The following NUP88 variants were observed in gnomAD, a reference collection of about 807,000 sequenced individuals.
NUP88 encodes the protein nuclear pore complex protein Nup88.
NUP88 carries 57 observed loss-of-function variants against 93.9 expected under a neutral mutation model. That is an observed-to-expected ratio of 0.61 (90% CI 0.49 to 0.76). NUP88 has a LOEUF of 0.76. Ranked by LOEUF, NUP88 falls within the 30% of genes least tolerant of loss-of-function variation. NUP88 has a pLI of 0.00. For synonymous variants in NUP88, 346 were observed against 336.8 expected (o/e 1.03, Z -0.30); for missense variants, 911 against 901.0 (o/e 1.01, Z -0.14).
At chr17:5,416,478 TAATA>T in intron 2 of NUP88, 31 bp downstream of exon 2, 2 of 1,439,130 alleles carry the variant, frequency 1.4e-6, no homozygotes, top group African/African-American at 1.4e-5. Flanking sequence ...TCTGTATATA[TAATA>T]AATTATACAG....
intron 11 of NUP88, 162 bp from the exon 12 acceptor site, chr17:5,388,066 T>C: frequency 5.0e-6 from 3 of 603,360 alleles, no homozygotes; most frequent in South Asian, 5.4e-5. Context: ...ATTGGTGCTA[T>C]CTCGGCTCAC....
chr17:5,396,886 ATGT>A (rs1406744029), intron 8 of NUP88, among the ~76,000 whole-genome samples: 5 of 152,154 alleles, frequency 3.3e-5, no homozygotes, highest in Admixed American at 6.5e-5. Context: ...ATGACTAATA[ATGT>A]TGTACATCTT....
chr17:5,393,965 G>T (rs1912609986), intron 9 of NUP88, among the ~76,000 whole-genome samples: 2 of 152,162 alleles, frequency 1.3e-5, no homozygotes. Flanking sequence ...GGTTTCTACT[G>T]GGGATAACTG....
At chr17:5,399,988 A>G (rs527437200) in intron 7 of NUP88, among the ~76,000 whole-genome samples, 6 of 152,118 alleles carry the variant, frequency 3.9e-5, no homozygotes, top group Non-Finnish European at 7.4e-5. Context: ...TGTTTATACT[A>G]GTAGGTACGC....
chr17:5,387,998 A>G, intron 11 of NUP88, 94 bp from the exon 12 acceptor site: 2 of 1,271,590 alleles, frequency 1.6e-6, no homozygotes. Context: ...TAAACTTTTT[A>G]TATTTTTAAT....
At position 5,386,240 on chromosome 17, in the gene NUP88, T is replaced by C. The variant is rs547551060; in HGVS notation, c.2192A>G (p.Gln731Arg). ...TACATGATTGCGGATATCATTGATT[T>C]GCTTCACCATTTCCCTTATATGTTC... ...EGEHIREMVK[Q>R]INDIRNHVNF The change falls in exon 17 of 17, where the codon CAA becomes CGA. Residue 731 changes from glutamine (Q) to arginine (R), a missense_variant. Physicochemically the swap from Gln to Arg is conservative, Grantham distance 43 (BLOSUM62 1). Transcript: ENST00000573584. 1.5e-4 allele frequency: 250 copies of C among 1,613,454 alleles called. 3 individuals carry two copies. The South Asian group carries it at 2.6e-3, about 17-fold the overall frequency.
intron 2 of NUP88, among the ~76,000 whole-genome samples, chr17:5,414,352 C>A (rs569554914): frequency 1.3e-5 from 2 of 152,146 alleles, no homozygotes; most frequent in African/African-American, 4.8e-5. Context: ...CCTGCCACCT[C>A]GCCCAGCGAA....
rs749032051 is a variant in NUP88, at chr17:5,413,987, AAG to A, written c.593+20_593+21del. 9.3e-6 allele frequency: 15 copies of A among 1,611,294 alleles called. No individual in the cohort carries two copies. The highest frequency in any genetic ancestry group is 3.3e-4 in the Middle Eastern group (2 of 6,048). ...AGAGCTTTCCCACTCGCAAGGCTTC[AAG>A]AGAGAGAAATAAAATTTACCTGATT... On this transcript the variant is annotated intron_variant, in intron 3 of 16. Coordinates refer to ENST00000573584, the MANE Select transcript of NUP88 (RefSeq NM_002532.6).
Position 5,404,262 on chromosome 17 carries a change from T to G in NUP88, c.1045-16A>C. The G allele has an allele frequency of 3.1e-6, 5 of 1,609,988 alleles. No homozygotes were observed. The highest frequency in any genetic ancestry group is 4.2e-6 in the Non-Finnish European group (5 of 1,178,146). On this transcript the variant is annotated splice_polypyrimidine_tract_variant and intron_variant, in intron 6 of 16. Coordinates refer to ENST00000573584, the MANE Select transcript of NUP88 (RefSeq NM_002532.6). ...ACTTTTCTGACTGTAAAAAAAAGTG[T>G]TGTAATTTTGATCTTGCATGTTAAT...
At chr17:5,396,103 C>T (rs971568127) in intron 8 of NUP88, among the ~76,000 whole-genome samples, 4 of 151,898 alleles carry the variant, frequency 2.6e-5, no homozygotes, top group South Asian at 2.1e-4. Context: ...CCCAGCTACT[C>T]GAGAGGCTGA....
intron 8 of NUP88, among the ~76,000 whole-genome samples, chr17:5,398,608 T>TC (rs371393010): frequency 3.6e-4 from 54 of 149,452 alleles, no homozygotes; most frequent in South Asian, 1.9e-3. Context: ...TTTTTTTTTT[T>TC]GAGACAGAGT....
chr17:5,398,093 A>T (rs934810312), intron 8 of NUP88, among the ~76,000 whole-genome samples: 39 of 148,944 alleles, frequency 2.6e-4, no homozygotes, highest in African/African-American at 9.2e-4. Context: ...TTTTTTTTTT[A>T]GTAGAGACAG....
chr17:5,417,296 C>T (rs1342602101), intron 1 of NUP88, among the ~76,000 whole-genome samples: 1 of 152,144 alleles, frequency 6.6e-6, no homozygotes, highest in African/African-American at 2.4e-5. Flanking sequence ...TTTCTGTATG[C>T]TGGACATACA....
At chr17:5,396,210 TA>T (rs890181298) in intron 8 of NUP88, among the ~76,000 whole-genome samples, 4 of 149,964 alleles carry the variant, frequency 2.7e-5, no homozygotes, top group East Asian at 2.0e-4. Flanking sequence ...AAACTCCGTC[TA>T]AAAAAAAAAT....
intron 10 of NUP88, among the ~76,000 whole-genome samples, chr17:5,390,288 A>C (rs945146731): frequency 6.6e-6 from 1 of 152,232 alleles, no homozygotes; most frequent in Non-Finnish European, 1.5e-5. Flanking sequence ...GGGTGTTTAA[A>C]AAGTATGCTG....
In NUP88 at chr17:5,386,819, A is replaced by G; in HGVS notation, c.2051T>C (p.Met684Thr). 1 of 1,610,508 alleles carries G rather than the reference A, an allele frequency of 6.2e-7. No individual in the cohort carries two copies. Among genetic ancestry groups the G allele is most frequent in the Non-Finnish European group, 8.5e-7 (1 of 1,176,728 alleles). The change falls in exon 16 of 17, where the codon ATG becomes ACG. Residue 684 changes from methionine (M) to threonine (T), a missense_variant. Physicochemically the swap from Met to Thr is moderately conservative, Grantham distance 81. Coordinates refer to ENST00000573584, the MANE Select transcript of NUP88 (RefSeq NM_002532.6). ...HLGNAIKQVT[M>T]KKDYQQQKME... ...CTTTTGCTGTTGATAATCCTTTTTC[A>G]TAGTAACCTTAAGTATTAAAATAAT...
At chr17:5,410,670 A>G (rs1272712107) in intron 4 of NUP88, 33 bp downstream of exon 4, 1 of 1,347,842 alleles carries the variant, frequency 7.4e-7, no homozygotes, top group Non-Finnish European at 1.0e-6. Context: ...AAGCTAATTA[A>G]AAAACCATTT....
rs530139416 is a variant in NUP88, at chr17:5,385,425, T to C, written c.*781A>G. 2 of 221,520 alleles carry C rather than the reference T, an allele frequency of 9.0e-6. No individual in the cohort carries two copies. Among genetic ancestry groups the C allele is most frequent in the East Asian group, 1.3e-4 (2 of 15,426 alleles). 13.7% of individuals were successfully genotyped at this position (221,520 alleles called of 1,614,324 possible). Reference sequence around the variant, plus strand: ...CTCTTACCTGTAACCTACCTTATCATGTGGCTTTTAATTGACAGTCACTCA... The same window carrying C: ...CTCTTACCTGTAACCTACCTTATCACGTGGCTTTTAATTGACAGTCACTCA... On this transcript the variant is annotated 3_prime_UTR_variant, in exon 17 of 17. Coordinates refer to ENST00000573584, the MANE Select transcript of NUP88 (RefSeq NM_002532.6).
chr17:5,416,689 A>G lies in NUP88; in HGVS notation c.298-7T>C. The G allele has an allele frequency of 9.4e-6, 15 of 1,601,004 alleles. No individual in the cohort carries two copies. Among genetic ancestry groups the G allele is most frequent in the Non-Finnish European group, 1.3e-5 (15 of 1,176,622 alleles). On this transcript the variant is annotated splice_region_variant and splice_polypyrimidine_tract_variant and intron_variant, in intron 1 of 16. Coordinates refer to ENST00000573584, the MANE Select transcript of NUP88 (RefSeq NM_002532.6). ...GATTTATGCAAAGCAATCTCTGAAAATTAGAGCAAACCAGTCAACATAGTT... is the reference window on the plus strand; with the variant it reads ...GATTTATGCAAAGCAATCTCTGAAAGTTAGAGCAAACCAGTCAACATAGTT...
Sources: allele counts gnomAD v4.1 joint callset (sites outside exome capture counted in the v4.1 genomes callset), GRCh38; gene constraint gnomAD v4.1.1; transcripts MANE v1.5; gene names NCBI Gene and HGNC (gene_info 2026-07-23, HGNC 2026-07-21).